The following PKD1L3 variants were observed in gnomAD, a reference collection of about 807,000 sequenced individuals.
The protein encoded by PKD1L3 is polycystin-1-like protein 3.
In PKD1L3, 239 loss-of-function variants were observed where a neutral mutation model predicts 184.1. That is an observed-to-expected ratio of 1.30 (90% confidence interval 1.17 to 1.45). The LOEUF is 1.45. Among genes scored for constraint, PKD1L3 ranks in the 40% most tolerant of loss-of-function variants. PKD1L3 has a pLI of 0.00. For missense variants in PKD1L3, 2,660 were observed against 2,067.2 expected (o/e 1.29, Z -5.56); for synonymous variants, 996 against 778.8 (o/e 1.28, Z -4.64).
At chr16:71,970,245 A>G (rs2039661731) in intron 12 of PKD1L3, 140 bp from the exon 13 acceptor site, 1 of 673,098 alleles carries the variant, frequency 1.5e-6, no homozygotes, top group Admixed American at 2.8e-5. Flanking sequence ...GTAAATTGGT[A>G]TAACCAATGT....
At chr16:71,941,828 C>T (rs1330493730) in intron 24 of PKD1L3, among the ~76,000 whole-genome samples, 5 of 151,600 alleles carry the variant, frequency 3.3e-5, no homozygotes, top group Non-Finnish European at 4.4e-5. Context: ...TTGTGATCCA[C>T]CTGCCTCGGC....
intron 22 of PKD1L3, among the ~76,000 whole-genome samples, chr16:71,945,265 AC>A (rs1361949788): frequency 1.7e-4 from 11 of 65,830 alleles, no homozygotes; most frequent in Non-Finnish European, 3.4e-4. Context: ...GAATTTCTTA[AC>A]TATATATATA....
At chr16:71,943,903 C>A in intron 23 of PKD1L3, 127 bp downstream of exon 23, 1 of 1,174,280 alleles carries the variant, frequency 8.5e-7, no homozygotes, top group Non-Finnish European at 1.2e-6. Flanking sequence ...AATCCCAAAT[C>A]TCACAGGGTG....
At chr16:71,938,767 G>C (rs778205451) in intron 24 of PKD1L3, among the ~76,000 whole-genome samples, 4 of 152,310 alleles carry the variant, frequency 2.6e-5, no homozygotes, top group Non-Finnish European at 5.9e-5. Flanking sequence ...CCTGCCTGTG[G>C]ATAGGAGCTA....
chr16:71,979,163 G>A (rs1398565277), intron 9 of PKD1L3, among the ~76,000 whole-genome samples: 1 of 152,156 alleles, frequency 6.6e-6, no homozygotes. Flanking sequence ...TAGTGCAGAG[G>A]CTGGGCATGG....
chr16:71,988,554 C>CGA (rs1455115235), intron 4 of PKD1L3, among the ~76,000 whole-genome samples: 3 of 152,162 alleles, frequency 2.0e-5, no homozygotes, highest in Admixed American at 6.6e-5. Flanking sequence ...ATCGTGGTGA[C>CGA]CATGGTGAGA....
intron 12 of PKD1L3, among the ~76,000 whole-genome samples, chr16:71,970,971 A>T (rs1251492341): frequency 6.6e-6 from 1 of 152,218 alleles, no homozygotes; most frequent in East Asian, 1.9e-4. Flanking sequence ...TTATTTATCT[A>T]TTCATTGTCA....
rs962117988 is a variant in PKD1L3 at position 71,949,991 on chromosome 16, C to T, written c.3410G>A (p.Ser1137Asn). The T allele has an allele frequency of 6.4e-7, 1 of 1,551,338 alleles. No individual in the cohort carries two copies. The highest frequency in any genetic ancestry group is 1.4e-5 in the African/African-American group (1 of 72,934). Reference sequence around the variant, plus strand: ...GATGGGCTTTTTTCCTTCTTCTGAGCTCAGGATGGCAAAACTGGTGACTTC... The same window carrying T: ...GATGGGCTTTTTTCCTTCTTCTGAGTTCAGGATGGCAAAACTGGTGACTTC... ...SREVTSFAILSSEEGKKPISN... is the reference protein window; with the variant it reads ...SREVTSFAILNSEEGKKPISN... The change falls in exon 21 of 30, where the codon AGC (serine) becomes AAC (asparagine). Residue 1137 changes from serine (S) to asparagine (N), a missense_variant. Physicochemically the swap from Ser to Asn is conservative, Grantham distance 46. Transcript: ENST00000620267.
At chr16:71,999,657 C>T in intron 1 of PKD1L3, 27 bp downstream of exon 1, 10 of 1,445,220 alleles carry the variant, frequency 6.9e-6, no homozygotes, top group Non-Finnish European at 8.2e-6. Context: ...AAGTTTCCTT[C>T]ATAAACACTG....
intron 5 of PKD1L3, 55 bp downstream of exon 5, chr16:71,986,166 C>G (rs2040353580): frequency 2.0e-6 from 3 of 1,536,932 alleles, no homozygotes; most frequent in South Asian, 2.5e-5. Flanking sequence ...ATGGGTGAAC[C>G]AAGTACTTTT....
chr16:71,981,573 G>A (rs1050551152), intron 7 of PKD1L3, among the ~76,000 whole-genome samples: 11 of 128,110 alleles, frequency 8.6e-5, no homozygotes, highest in South Asian at 2.3e-4. Flanking sequence ...ATGGAATCTC[G>A]CTCTGTTGTC....
chr16:71,968,028 TG>T, intron 13 of PKD1L3, 21 bp from the exon 14 acceptor site: 1 of 1,534,048 alleles, frequency 6.5e-7, no homozygotes, highest in South Asian at 1.2e-5. Flanking sequence ...AGCAGAACCA[TG>T]CAACTTACTA....
At position 71,944,057 on chromosome 16, in the gene PKD1L3, G is replaced by C. The variant is rs1483763543; in HGVS notation, c.3832C>G (p.Leu1278Val). 6.4e-7 allele frequency: 1 copy of C among 1,551,842 alleles called. No individual in the cohort carries two copies. Among genetic ancestry groups the C allele is most frequent in the African/African-American group, 1.4e-5 (1 of 72,974 alleles). Reference sequence around the variant, plus strand: ...AAAATATCTCCAGTCAGCTTGAAGAGTTTCTTCTTTTTCAAGGTTCTTTCT... The same window carrying C: ...AAAATATCTCCAGTCAGCTTGAAGACTTTCTTCTTTTTCAAGGTTCTTTCT... ...HPERTLKKKK[L>V]FKLTGDILVQ... The change falls in exon 23 of 30, where the codon CTC becomes GTC. Residue 1278 changes from leucine (L) to valine (V), a missense_variant. Coordinates refer to ENST00000620267, the MANE Select transcript of PKD1L3 (RefSeq NM_181536.2).
Position 71,978,376 on chromosome 16 carries a change from C to G in PKD1L3, c.1406G>C (p.Gly469Ala). 2 of 1,548,284 alleles carry G rather than the reference C, an allele frequency of 1.3e-6. No individual in the cohort carries two copies. The highest frequency in any genetic ancestry group is 1.2e-5 in the South Asian group (1 of 83,852). Residue 469 changes from glycine (G) to alanine (A), a missense_variant, in exon 10 of 30, where the codon GGA becomes GCA. Transcript: ENST00000620267. ...ATCCTTGAAGGGATTGAAAGCTAGT[C>G]CTGTTATCTAAAGACAAAGAGAAGC... ...KHPGVNVQIT[G>A]LAFNPFKDLD...
intron 11 of PKD1L3, among the ~76,000 whole-genome samples, chr16:71,976,280 T>TTTTTTTTTTTTTA (rs1597350924): frequency 2.7e-5 from 4 of 148,036 alleles, no homozygotes; most frequent in African/African-American, 5.0e-5. Flanking sequence ...TTTTTTTTTT[T>TTTTTTTTTTTTTA]AAGACAGTCT....
At chr16:71,991,135 C>T (rs1198871151) in intron 3 of PKD1L3, 2 of 168,976 alleles carry the variant, frequency 1.2e-5, no homozygotes, top group Non-Finnish European at 2.6e-5. Context: ...TATGTGCCAT[C>T]TTAACGTGCA....
chr16:71,931,463 CT>C (rs11405919), intron 28 of PKD1L3, among the ~76,000 whole-genome samples: 1,591 of 115,880 alleles, frequency 0.014, 10 homozygotes, highest in African/African-American at 0.04. Flanking sequence ...TTCTCCCCCA[CT>C]TTTTTTTTTT....
chr16:71,964,889 C>A (rs1015972206), intron 15 of PKD1L3, among the ~76,000 whole-genome samples: 2 of 150,878 alleles, frequency 1.3e-5, no homozygotes, highest in Non-Finnish European at 2.9e-5. Context: ...CTCTGTTGCC[C>A]AGGCTGGAGT....
chr16:71,930,465 TTTG>T (rs2037905551), intron 28 of PKD1L3: 3 of 256,724 alleles, frequency 1.2e-5, no homozygotes, highest in African/African-American at 6.6e-5. Flanking sequence ...TCACATGAGT[TTTG>T]GCAAAAAATA....
Sources: gnomAD v4.1 joint callset for allele counts (sites outside exome capture counted in the v4.1 genomes callset) on GRCh38, gnomAD v4.1.1 for gene constraint, MANE v1.5 for transcripts, NCBI Gene and HGNC (gene_info 2026-07-23, HGNC 2026-07-21) for gene names.